EP300: variants seen among roughly 807,000 people sequenced by gnomAD.
EP300 encodes histone acetyltransferase p300.
EP300 carries 31 observed loss-of-function variants against 264.0 expected under a neutral mutation model. The observed-to-expected ratio is 0.12, with a 90% CI of 0.09 to 0.16. The LOEUF is 0.16. EP300 is among the 10% of genes least tolerant of loss of function. EP300 has a pLI of 1.00. For missense variants in EP300, 2,766 were observed against 3,052.9 expected (o/e 0.91, Z 2.21); for synonymous variants, 1,340 against 1,045.4 (o/e 1.28, Z -5.44).
At chr22:41,144,940 C>T (rs186638463) in intron 10 of EP300, among the ~76,000 whole-genome samples, 57 of 152,190 alleles carry the variant, frequency 3.7e-4, no homozygotes, top group Non-Finnish European at 7.4e-4. Context: ...CCCCCTTTCT[C>T]CTACAGTGAC....
Position 41,179,874 on chromosome 22 carries a change from CCCCACTCACACACACACACACA to C in EP300, c.*920_*941del, listed in dbSNP as rs1270797930. ...TTGCTTTCTTCCTCCTTACCCTACCCCCCACTCACACACACACACACACACACACACACACACACACACACAC... is the reference window on the plus strand; with the variant it reads ...TTGCTTTCTTCCTCCTTACCCTACCCCACACACACACACACACACACACAC... On this transcript the variant is annotated 3_prime_UTR_variant, in exon 31 of 31. Coordinates refer to ENST00000263253, the MANE Select transcript of EP300 (RefSeq NM_001429.4). The C allele has an allele frequency of 2.0e-5, 3 of 153,154 alleles. No individual in the cohort carries two copies. The highest frequency in any genetic ancestry group is 9.2e-5 in the African/African-American group (3 of 32,662). The allele number at this position is 153,154 out of a possible 1,614,324, so 9.5% of individuals were successfully genotyped here.
Position 41,092,931 on chromosome 22 carries a change from G to A in EP300, c.-74G>A. On this transcript the variant is annotated 5_prime_UTR_variant, in exon 1 of 31. Transcript: ENST00000263253. ...CCCAGCCCACCCCTGGGTGCGGCGCGGGGACCCCGGGCCGAAGAAGAGATT... is the reference window on the plus strand; with the variant it reads ...CCCAGCCCACCCCTGGGTGCGGCGCAGGGACCCCGGGCCGAAGAAGAGATT... The A allele has an allele frequency of 6.4e-7, 1 of 1,568,846 alleles. No individual in the cohort carries two copies.
intron 1 of EP300, among the ~76,000 whole-genome samples, chr22:41,109,260 A>C (rs960390498): frequency 2.0e-5 from 3 of 149,584 alleles, no homozygotes; most frequent in African/African-American, 7.3e-5. Flanking sequence ...TCTCAAAAAA[A>C]AAAAAAAACA....
chr22:41,099,225 G>C (rs1175148569), intron 1 of EP300, among the ~76,000 whole-genome samples: 1 of 151,902 alleles, frequency 6.6e-6, no homozygotes, highest in Non-Finnish European at 1.5e-5. Flanking sequence ...CACCATGCCC[G>C]GCTAATTTTT....
chr22:41,118,374 A>G (rs896734385), intron 2 of EP300, among the ~76,000 whole-genome samples: 3 of 152,234 alleles, frequency 2.0e-5, no homozygotes, highest in African/African-American at 4.8e-5. Context: ...TGCTAAGTAT[A>G]TTAAAAATAT....
rs34217877 is a variant in EP300 at position 41,179,561 on chromosome 22, C to T, written c.*605C>T. The T allele has an allele frequency of 1.6e-4, 32 of 201,106 alleles. No individual in the cohort carries two copies. Among genetic ancestry groups the T allele is most frequent in the Non-Finnish European group, 2.7e-4 (27 of 99,480 alleles). The allele number at this position is 201,106 out of a possible 1,614,324, so 12.5% of individuals were successfully genotyped here. A position where few individuals can be genotyped will look rare whatever the true frequency, so the allele number is the denominator to read the frequency against. On this transcript the variant is annotated 3_prime_UTR_variant, in exon 31 of 31. Transcript: ENST00000263253. ...AAAAAAAAAAAAACTGCCTTTCTTC[C>T]CCTCAAGTCAACTTTTGTGCTCCAG...
At chr22:41,174,261 C>G (rs1433190515) in intron 29 of EP300, among the ~76,000 whole-genome samples, 2 of 151,976 alleles carry the variant, frequency 1.3e-5, no homozygotes, top group Admixed American at 1.3e-4. Context: ...CGAACCGAAA[C>G]CCCGTCTCTA....
intron 2 of EP300, among the ~76,000 whole-genome samples, chr22:41,122,658 T>C (rs760977952): frequency 6.6e-6 from 1 of 152,128 alleles, no homozygotes; most frequent in Non-Finnish European, 1.5e-5. Context: ...ATAAAGAAGA[T>C]TAATTTACAT....
chr22:41,117,245 A>G lies in EP300; in HGVS notation c.153A>G (p.Thr51=). The stretch of plus-strand genomic sequence containing the variant: ...TACCAGATGAATTAATCAACTCTAC[A>G]GAATTGGGACTAACCAATGGTGGTG... ...HDLPDELINS[T]ELGLTNGGDI... Residue 51 remains threonine, a synonymous_variant, in exon 2 of 31, where the codon ACA becomes ACG. Transcript: ENST00000263253. 3 of 1,614,212 alleles carry G rather than the reference A, an allele frequency of 1.9e-6. No homozygotes were observed. Among genetic ancestry groups the G allele is most frequent in the Non-Finnish European group, 2.5e-6 (3 of 1,180,048 alleles).
chr22:41,120,568 G>A (rs1223622641), intron 2 of EP300, among the ~76,000 whole-genome samples: 1 of 152,150 alleles, frequency 6.6e-6, no homozygotes, highest in Non-Finnish European at 1.5e-5. Context: ...TGAATCTGTG[G>A]TTCAGGAGGT....
At chr22:41,139,541 G>A (rs901765375) in intron 8 of EP300, among the ~76,000 whole-genome samples, 5 of 152,032 alleles carry the variant, frequency 3.3e-5, no homozygotes, top group Admixed American at 6.6e-5. Context: ...AACTGAGTAC[G>A]GGATGTCCAA....
At chr22:41,112,315 A>G (rs887039311) in intron 1 of EP300, among the ~76,000 whole-genome samples, 1 of 150,860 alleles carries the variant, frequency 6.6e-6, no homozygotes, top group South Asian at 2.1e-4. Context: ...TCAGCCTCCC[A>G]AGTAGCTGGG....
At chr22:41,099,959 G>A (rs2058722163) in intron 1 of EP300, among the ~76,000 whole-genome samples, 1 of 152,190 alleles carries the variant, frequency 6.6e-6, no homozygotes, top group African/African-American at 2.4e-5. Flanking sequence ...GCTCACGCCT[G>A]TAATCCTGGC....
In EP300 at chr22:41,178,953, C is replaced by G. The variant is rs1329691393; in HGVS notation, c.7242C>G (p.His2414Gln). 1 of 1,607,996 alleles carries G rather than the reference C, an allele frequency of 6.2e-7. No individual in the cohort carries two copies. The highest frequency in any genetic ancestry group is 1.3e-5 in the African/African-American group (1 of 74,548). The change falls in exon 31 of 31, where the codon CAC (histidine) becomes CAG (glutamine). Residue 2414 changes from histidine (H) to glutamine (Q), a missense_variant. Transcript: ENST00000263253. ...TCTCACAGAGTACACTAGACATACACTAGAGACACCTTGTAGTATTTTGGG... is the reference window on the plus strand; with the variant it reads ...TCTCACAGAGTACACTAGACATACAGTAGAGACACCTTGTAGTATTTTGGG... ...SNLSQSTLDI[H>Q]
At chr22:41,163,691 G>A (rs1463554815) in intron 21 of EP300, among the ~76,000 whole-genome samples, 2 of 152,014 alleles carry the variant, frequency 1.3e-5, no homozygotes, top group Non-Finnish European at 2.9e-5. Context: ...GGGTTGAAGT[G>A]AGCTGATATG....
intron 13 of EP300, 123 bp downstream of exon 13, chr22:41,149,298 C>T: frequency 8.8e-7 from 1 of 1,136,256 alleles, no homozygotes. Flanking sequence ...TAAAAAATAA[C>T]AATTTTGGAC....
In EP300 at chr22:41,137,576, A is replaced by G. The variant is rs112021117; in HGVS notation, c.1623-77A>G. 7.0e-5 allele frequency: 111 copies of G among 1,575,088 alleles called. 6 individuals carry two copies. The African/African-American group carries it at 7.3e-4, about 10-fold the overall frequency. On this transcript the variant is annotated intron_variant, in intron 7 of 30. Coordinates refer to ENST00000263253, the MANE Select transcript of EP300 (RefSeq NM_001429.4). ...ATAGCATATTGATTCCATTACAATA[A>G]TCAGTGTCAGCTTGAATTAAATGAG...
rs1443379558 is a variant in EP300 at position 41,164,036 on chromosome 22, T to C, written c.3729-17T>C. ...TAAGGTTTGGGGTTAATTTTGGAATTGGCTCTGCTCTTCCAGGTTTGTTGA... is the reference window on the plus strand; with the variant it reads ...TAAGGTTTGGGGTTAATTTTGGAATCGGCTCTGCTCTTCCAGGTTTGTTGA... On this transcript the variant is annotated splice_polypyrimidine_tract_variant and intron_variant, in intron 21 of 30. Transcript: ENST00000263253. 1.2e-6 allele frequency: 2 copies of C among 1,613,066 alleles called. No homozygotes were observed. The highest frequency in any genetic ancestry group is 1.7e-5 in the Admixed American group (1 of 60,032).
In EP300 at chr22:41,177,806, G is replaced by GATT; in HGVS notation, c.6096_6098dup (p.Leu2033dup). On this transcript the variant is annotated inframe_insertion, in exon 31 of 31. Coordinates refer to ENST00000263253, the MANE Select transcript of EP300 (RefSeq NM_001429.4). Reference sequence around the variant, plus strand: ...CCTTTGAACATGGCTCCACAACCAGGATTGGGCCAGGTAGGTATCAGCCCA... The same window carrying GATT: ...CCTTTGAACATGGCTCCACAACCAGGATTATTGGGCCAGGTAGGTATCAGCCCA... 6.2e-7 allele frequency: 1 copy of GATT among 1,614,028 alleles called. No homozygotes were observed. The highest frequency in any genetic ancestry group is 8.5e-7 in the Non-Finnish European group (1 of 1,180,030).
Sources: gnomAD v4.1 joint callset for allele counts (sites outside exome capture counted in the v4.1 genomes callset) on GRCh38, gnomAD v4.1.1 for gene constraint, MANE v1.5 for transcripts, NCBI Gene and HGNC (gene_info 2026-07-23, HGNC 2026-07-21) for gene names.